The following SGTA variants were observed in gnomAD, a reference collection of about 807,000 sequenced individuals.
SGTA encodes small glutamine-rich tetratricopeptide repeat-containing protein alpha.
SGTA carries 22 observed loss-of-function variants against 44.3 expected under a neutral mutation model. The observed-to-expected ratio is 0.50, with a 90% confidence interval of 0.36 to 0.71. SGTA has a LOEUF of 0.71. Among genes scored for constraint, SGTA ranks in the 30% least tolerant of loss-of-function variants. The pLI, the probability that SGTA is intolerant of heterozygous loss-of-function variation, is 0.00. For synonymous variants in SGTA, 174 were observed against 177.6 expected, an observed-to-expected ratio of 0.98 and a Z score of 0.16; for missense variants, 341 against 435.9, an observed-to-expected ratio of 0.78 and a Z score of 1.94.
At position 2,755,938 on chromosome 19, in the gene SGTA, A is replaced by T. The variant is rs1914809387; in HGVS notation, c.*7-5T>A. 1.0e-6 allele frequency: 1 copy of T among 985,914 alleles called. No homozygotes were observed. Among genetic ancestry groups the T allele is most frequent in the Non-Finnish European group, 1.2e-6 (1 of 830,242 alleles). The allele number at this position is 985,914 out of a possible 1,614,324, so 61.1% of individuals were successfully genotyped here. A position where few individuals can be genotyped will look rare whatever the true frequency, so the allele number is the denominator to read the frequency against. ...ACGCGGTCACACCGGGAGCAGCTGG[A>T]AGGGGACAGACATGAAGGCTGTCAG... is the stretch of plus-strand genomic sequence containing the variant. On this transcript the variant is annotated splice_polypyrimidine_tract_variant and splice_region_variant and intron_variant, in intron 11 of 11. Transcript: ENST00000221566. This position sits in a 1 kb window ranked among gnomAD's most constrained non-coding sequence, Gnocchi z 5.2.
At chr19:2,759,698 C>T (rs144787449) in intron 8 of SGTA, among the ~76,000 whole-genome samples, 79 of 152,268 alleles carry the variant, frequency 5.2e-4, no homozygotes, top group African/African-American at 1.7e-3. Context: ...CGGTGGTTCA[C>T]GCCTGGAATC....
intron 8 of SGTA, among the ~76,000 whole-genome samples, chr19:2,760,924 T>C (rs1367341188): frequency 6.6e-6 from 1 of 152,076 alleles, no homozygotes; most frequent in Non-Finnish European, 1.5e-5. Context: ...AATGAACATG[T>C]GTGTGTGGGG....
At chr19:2,770,813 AG>A (rs987383772) in intron 1 of SGTA, 5 of 153,376 alleles carry the variant, frequency 3.3e-5, no homozygotes, top group Non-Finnish European at 7.3e-5. Flanking sequence ...CAGCTGGAAG[AG>A]GCAGGACGGA....
At chr19:2,757,079 C>T (rs952368607) in intron 11 of SGTA, among the ~76,000 whole-genome samples, 3 of 152,200 alleles carry the variant, frequency 2.0e-5, no homozygotes, top group African/African-American at 7.2e-5. Context: ...CACCCAGCGC[C>T]GATCCACAGA....
Position 2,756,311 on chromosome 19 carries a change from G to A in SGTA, c.*7-378C>T, listed in dbSNP as rs376935608. 2.2e-3 allele frequency among the ~76,000 whole-genome samples: 328 copies of A among 152,176 alleles called. 2 individuals carry two copies. Among genetic ancestry groups the A allele is most frequent in the African/African-American group, 7.4e-3 (309 of 41,512 alleles). ...TATTAATGTTGGTGGCTCTGGGTGA[G>A]AAGATTAAGGTTGGGCTGAATGCAC... On this transcript the variant is annotated intron_variant, in intron 11 of 11. Transcript: ENST00000221566.
intron 1 of SGTA, among the ~76,000 whole-genome samples, chr19:2,771,579 G>GC (rs1286283508): frequency 1.3e-5 from 2 of 151,688 alleles, no homozygotes; most frequent in South Asian, 2.1e-4. Context: ...CCCCATCGGG[G>GC]GGGGGGGGAG....
chr19:2,765,284 T>A lies in SGTA; in HGVS notation c.294A>T (p.Gly98=). 1 of 1,607,958 alleles carries A rather than the reference T, an allele frequency of 6.2e-7. No individual in the cohort carries two copies. The highest frequency in any genetic ancestry group is 8.5e-7 in the Non-Finnish European group (1 of 1,178,488). Residue 98 remains glycine (G), a splice_region_variant and synonymous_variant, in exon 5 of 12, where the codon GGA becomes GGT. Transcript: ENST00000221566. This position sits in a 1 kb window ranked among gnomAD's most constrained non-coding sequence, Gnocchi z 5.5. The part of the protein sequence containing the change: ...SAEAERLKTE[G]NEQMKVENFE... ...AGTTTTCCACTTTCATCTGCTCGTT[T>A]CCTACAGGGAGAGAGGAAAACACCG...
intron 1 of SGTA, among the ~76,000 whole-genome samples, chr19:2,775,435 G>A (rs574985866): frequency 1.1e-4 from 16 of 152,340 alleles, no homozygotes; most frequent in African/African-American, 3.6e-4. Context: ...AGATGACACC[G>A]GCGACGTGGA....
At position 2,776,033 on chromosome 19, in the gene SGTA, T is replaced by A. The variant is rs150067090; in HGVS notation, c.-23-6942A>T. 1.4e-3 allele frequency among the ~76,000 whole-genome samples: 212 copies of A among 152,182 alleles called. 1 individual carries two copies. The highest frequency in any genetic ancestry group is 4.9e-3 in the African/African-American group (204 of 41,526). ...CTGCCTAGAGCCGGCGGGCAGCCAGTCCCAGAATCCAAAGATCTCATGTAC... is the reference window on the plus strand; with the variant it reads ...CTGCCTAGAGCCGGCGGGCAGCCAGACCCAGAATCCAAAGATCTCATGTAC... On this transcript the variant is annotated intron_variant, in intron 1 of 11. Transcript: ENST00000221566.
chr19:2,762,034 A>G (rs1915010066), intron 7 of SGTA, among the ~76,000 whole-genome samples: 2 of 152,150 alleles, frequency 1.3e-5, no homozygotes, highest in African/African-American at 4.8e-5. Context: ...CAAATGACTC[A>G]CCCAGAAACG....
intron 1 of SGTA, among the ~76,000 whole-genome samples, chr19:2,782,077 GGTC>G (rs1459015391): frequency 6.6e-6 from 1 of 152,126 alleles, no homozygotes; most frequent in Non-Finnish European, 1.5e-5. Context: ...CCTGACCTCA[GGTC>G]ATCAGCCCGT....
In SGTA at chr19:2,765,998, C is replaced by G. The variant is rs1183987648; in HGVS notation, c.293-713G>C. On this transcript the variant is annotated intron_variant, in intron 4 of 11. Transcript: ENST00000221566. The surrounding 1 kb of genome is among the most constrained non-coding windows in gnomAD (Gnocchi z 5.5). The stretch of plus-strand genomic sequence containing the variant: ...CTTTGGGAGGCCGACGCAGGCGGAT[C>G]GCAAGATCAGGAGACCAAGACCATC... 6.6e-6 allele frequency among the ~76,000 whole-genome samples: 1 copy of G among 152,156 alleles called. No individual in the cohort carries two copies. Among genetic ancestry groups the G allele is most frequent in the Non-Finnish European group, 1.5e-5 (1 of 68,024 alleles).
chr19:2,766,092 T>C (rs1259701665), intron 4 of SGTA, among the ~76,000 whole-genome samples: 1 of 152,168 alleles, frequency 6.6e-6, no homozygotes, highest in East Asian at 1.9e-4. Flanking sequence ...GGTAGGCTTC[T>C]GTAGTCCCAG....
intron 1 of SGTA, among the ~76,000 whole-genome samples, chr19:2,775,476 G>C (rs1347898710): frequency 6.6e-6 from 1 of 152,258 alleles, no homozygotes; most frequent in African/African-American, 2.4e-5. Context: ...CATAGTCCCA[G>C]ACACACTGGG....
intron 1 of SGTA, chr19:2,770,490 CTG>C (rs1915275942): frequency 6.6e-6 from 1 of 152,444 alleles, no homozygotes; most frequent in South Asian, 2.0e-4. Context: ...CTTGGCCTCA[CTG>C]TGCCTCCATT....
In SGTA at chr19:2,780,190, G is replaced by A. The variant is rs878355; in HGVS notation, c.-24+3043C>T. Among the ~76,000 whole-genome samples the A allele has an allele frequency of 1.9e-3, 290 of 152,218 alleles. 3 individuals are homozygous for A. The highest frequency in any genetic ancestry group is 6.4e-3 in the African/African-American group (265 of 41,508). ...TAGAACATCCTCGTAAACTGAGGTCGTCTTACCTCCTCACACCCCAGTAGG... is the reference window on the plus strand; with the variant it reads ...TAGAACATCCTCGTAAACTGAGGTCATCTTACCTCCTCACACCCCAGTAGG... On this transcript the variant is annotated intron_variant, in intron 1 of 11. Coordinates refer to ENST00000221566, the MANE Select transcript of SGTA (RefSeq NM_003021.4).
rs1387193720 is a variant in SGTA, at chr19:2,765,106, A to C, written c.392+80T>G. On this transcript the variant is annotated intron_variant, in intron 5 of 11. Transcript: ENST00000221566. This position sits in a 1 kb window ranked among gnomAD's most constrained non-coding sequence, Gnocchi z 5.5. ...CATCTACAGCGCAGAGGCCTCTCCC[A>C]TCTCAGGTCCCTGCTAAGCATCCCG... 1 of 971,742 alleles carries C rather than the reference A, an allele frequency of 1.0e-6. No homozygotes were observed. Among genetic ancestry groups the C allele is most frequent in the African/African-American group, 1.6e-5 (1 of 62,496 alleles). 60.2% of individuals were successfully genotyped at this position (971,742 alleles called of 1,614,324 possible). A position where few individuals can be genotyped will look rare whatever the true frequency, so the allele number is the denominator to read the frequency against.
chr19:2,769,229 C>T (rs1198577067), intron 1 of SGTA, 138 bp from the exon 2 acceptor site: 8 of 601,216 alleles, frequency 1.3e-5, no homozygotes, highest in Non-Finnish European at 2.4e-5. Flanking sequence ...GGTAGAAAGG[C>T]CTTAATACGC....
At chr19:2,758,824 C>T (rs956522621) in intron 9 of SGTA, among the ~76,000 whole-genome samples, 2 of 152,240 alleles carry the variant, frequency 1.3e-5, no homozygotes, top group African/African-American at 4.8e-5. Flanking sequence ...GGCCCTGACC[C>T]AGGCCCCAGC....
Sources: gnomAD v4.1 joint callset for allele counts (sites outside exome capture counted in the v4.1 genomes callset) on GRCh38, gnomAD v4.1.1 for gene constraint, Gnocchi (gnomAD v3.1) non-coding constraint, MANE v1.5 for transcripts, NCBI Gene and HGNC (gene_info 2026-07-23, HGNC 2026-07-21) for gene names.